Variants in PSMD1 observed in about 807,000 individuals in gnomAD.
The protein encoded by PSMD1 is proteasome 26S subunit, non-ATPase 1.
Under a neutral mutation model 119.0 loss-of-function variants are expected in PSMD1, and 18 were observed. That is an observed-to-expected ratio of 0.15 (90% CI 0.10 to 0.22). PSMD1 has a LOEUF of 0.22. Among genes scored for constraint, PSMD1 ranks in the 10% least tolerant of loss-of-function variants. PSMD1 has a pLI of 1.00. For synonymous variants in PSMD1, 374 were observed against 396.6 expected (o/e 0.94, Z 0.68); for missense variants, 702 against 1,158.5 (o/e 0.61, Z 5.72).
chr2:231,156,027 A>G (rs1192847376), intron 19 of PSMD1, among the ~76,000 whole-genome samples: 4 of 152,012 alleles, frequency 2.6e-5, no homozygotes, highest in Non-Finnish European at 5.9e-5. Flanking sequence ...TGATATTTAC[A>G]TTGTCTTCAG....
At chr2:231,142,229 G>C (rs1201336355) in intron 17 of PSMD1, among the ~76,000 whole-genome samples, 2 of 152,030 alleles carry the variant, frequency 1.3e-5, no homozygotes. Flanking sequence ...ATTTATTTGG[G>C]GGGAGAATTT....
At chr2:231,091,268 CAA>C (rs1357547026) in intron 16 of PSMD1, among the ~76,000 whole-genome samples, 2 of 152,222 alleles carry the variant, frequency 1.3e-5, no homozygotes, top group Non-Finnish European at 1.5e-5. Context: ...TTTCTGGAGA[CAA>C]GAGTAAACAA....
chr2:231,069,994 T>C, intron 5 of PSMD1, 31 bp from the exon 6 acceptor site: 1 of 1,341,974 alleles, frequency 7.5e-7, no homozygotes, highest in Non-Finnish European at 9.7e-7. Context: ...AATAACCAGA[T>C]AACGTTATAT....
intron 16 of PSMD1, among the ~76,000 whole-genome samples, chr2:231,129,344 G>A (rs1695801725): frequency 6.6e-6 from 1 of 152,172 alleles, no homozygotes; most frequent in African/African-American, 2.4e-5. Flanking sequence ...ACAGATTTCT[G>A]TAGGTCCAGG....
At chr2:231,110,236 C>T (rs887448009) in intron 16 of PSMD1, among the ~76,000 whole-genome samples, 1 of 152,098 alleles carries the variant, frequency 6.6e-6, no homozygotes, top group Non-Finnish European at 1.5e-5. Context: ...GGGAGAATCA[C>T]TTGAACCCAG....
intron 18 of PSMD1, among the ~76,000 whole-genome samples, chr2:231,149,245 C>T (rs1696318080): frequency 6.6e-6 from 1 of 152,186 alleles, no homozygotes; most frequent in Non-Finnish European, 1.5e-5. Flanking sequence ...ATGCACACAT[C>T]CCTGGATCAA....
chr2:231,118,461 G>A (rs112619219), intron 16 of PSMD1, among the ~76,000 whole-genome samples: 3,374 of 152,190 alleles, frequency 0.022, 135 homozygotes, highest in African/African-American at 0.077. Flanking sequence ...ACTTTCAATT[G>A]AATTTGTCAT....
At chr2:231,090,162 G>A (rs1559226006) in intron 16 of PSMD1, among the ~76,000 whole-genome samples, 1 of 152,248 alleles carries the variant, frequency 6.6e-6, no homozygotes. Context: ...TTTTATGCCT[G>A]CTAACACAAT....
intron 19 of PSMD1, among the ~76,000 whole-genome samples, chr2:231,154,188 T>C (rs1380038332): frequency 6.6e-6 from 1 of 151,864 alleles, no homozygotes; most frequent in Non-Finnish European, 1.5e-5. Context: ...TCCCAGCACT[T>C]TGGGAGGCCA....
intron 21 of PSMD1, 138 bp from the exon 22 acceptor site, chr2:231,165,034 TTATATATATATATATATATATATATATA>T (rs66656378): frequency 0.025 from 550 of 22,062 alleles, 26 homozygotes; most frequent in South Asian, 0.066. Flanking sequence ...TTATATATAT[TTATATATATATATATATATATATATATA>T]TATATATATA....
chr2:231,117,922 A>G lies in PSMD1; in HGVS notation c.1884-20814A>G, dbSNP rs1308355639. The stretch of plus-strand genomic sequence containing the variant: ...AGTTACATGGGGTTATTTAAGGTAT[A>G]AATGTTGGTTCTGTATGCCAAATAT... On this transcript the variant is annotated intron_variant, in intron 16 of 24. Coordinates refer to ENST00000308696, the MANE Select transcript of PSMD1 (RefSeq NM_002807.4). 2.6e-5 allele frequency among the ~76,000 whole-genome samples: 4 copies of G among 152,146 alleles called. No individual in the cohort carries two copies. In the East Asian group the frequency reaches 7.7e-4, roughly 29 times the overall value.
intron 11 of PSMD1, 138 bp from the exon 12 acceptor site, chr2:231,080,003 A>C (rs1316279784): frequency 2.9e-6 from 2 of 696,754 alleles, no homozygotes; most frequent in African/African-American, 3.7e-5. Flanking sequence ...TTATACAATT[A>C]TATGAGAGAG....
intron 5 of PSMD1, 109 bp downstream of exon 5, chr2:231,067,220 TAGC>T (rs1294704246): frequency 3.7e-6 from 3 of 806,046 alleles, no homozygotes; most frequent in Non-Finnish European, 5.6e-6. Context: ...AGTTTAGAAA[TAGC>T]AGGTGATCTT....
chr2:231,127,638 G>A (rs1390844493), intron 16 of PSMD1, among the ~76,000 whole-genome samples: 3 of 152,200 alleles, frequency 2.0e-5, no homozygotes, highest in African/African-American at 7.2e-5. Context: ...ACGGGCATGA[G>A]CCACCGCACC....
intron 16 of PSMD1, among the ~76,000 whole-genome samples, chr2:231,096,623 A>G (rs1265376542): frequency 6.6e-6 from 1 of 152,226 alleles, no homozygotes; most frequent in Non-Finnish European, 1.5e-5. Context: ...CTTGAATATA[A>G]AATTTTCTTT....
At chr2:231,067,425 TAGA>T (rs1693935364) in intron 5 of PSMD1, among the ~76,000 whole-genome samples, 1 of 152,206 alleles carries the variant, frequency 6.6e-6, no homozygotes, top group Admixed American at 6.5e-5. Flanking sequence ...ACTACTCAGC[TAGA>T]TTCCTGGTTT....
chr2:231,155,635 T>C (rs1249800180), intron 19 of PSMD1, among the ~76,000 whole-genome samples: 1 of 151,982 alleles, frequency 6.6e-6, no homozygotes, highest in Non-Finnish European at 1.5e-5. Flanking sequence ...CTTATCTTTA[T>C]TATTTGCTGT....
In PSMD1 at chr2:231,170,403, C is replaced by A; in HGVS notation, c.2716-163C>A. 1 of 668,710 alleles carries A rather than the reference C, an allele frequency of 1.5e-6. No homozygotes were observed. Among genetic ancestry groups the A allele is most frequent in the Non-Finnish European group, 2.3e-6 (1 of 440,002 alleles). 41.4% of individuals were successfully genotyped at this position (668,710 alleles called of 1,614,324 possible). A position where few individuals can be genotyped will look rare whatever the true frequency, so the allele number is the denominator to read the frequency against. On this transcript the variant is annotated intron_variant, in intron 23 of 24. Coordinates refer to ENST00000308696, the MANE Select transcript of PSMD1 (RefSeq NM_002807.4). The surrounding 1 kb of genome is among the most constrained non-coding windows in gnomAD (Gnocchi z 4.1). ...TACTGGGTTAAGTTTGCAAATACTTCGTATAGATCACAGTTATCTTTATCC... is the reference window on the plus strand; with the variant it reads ...TACTGGGTTAAGTTTGCAAATACTTAGTATAGATCACAGTTATCTTTATCC...
At chr2:231,169,529 T>A (rs982991725) in intron 23 of PSMD1, among the ~76,000 whole-genome samples, 2 of 152,138 alleles carry the variant, frequency 1.3e-5, no homozygotes, top group African/African-American at 4.8e-5. Flanking sequence ...AGGGAAATAG[T>A]TCGGAGTTCA....
Sources: gnomAD v4.1 joint callset for allele counts (sites outside exome capture counted in the v4.1 genomes callset) on GRCh38, gnomAD v4.1.1 for gene constraint, Gnocchi (gnomAD v3.1) non-coding constraint, MANE v1.5 for transcripts, NCBI Gene and HGNC (gene_info 2026-07-23, HGNC 2026-07-21) for gene names.